The following ANK3 variants were observed in gnomAD, a reference collection of about 807,000 sequenced individuals.
ANK3 encodes the protein ankyrin-3.
A neutral mutation model predicts 370.9 loss-of-function variants in ANK3; 57 were observed. The observed-to-expected ratio is 0.15, with a 90% CI of 0.12 to 0.19. The LOEUF is 0.19. Among genes scored for constraint, ANK3 ranks in the 10% least tolerant of loss-of-function variants. The probability of loss-of-function intolerance (pLI) is 1.00; values close to 1 mark genes in which losing one functional copy is unlikely to be tolerated. For synonymous variants in ANK3, 1,929 were observed against 1,946.3 expected, an observed-to-expected ratio of 0.99 and a Z score of 0.23; for missense variants, 4,439 against 5,302.1, an observed-to-expected ratio of 0.84 and a Z score of 5.06.
intron 2 of ANK3, among the ~76,000 whole-genome samples, chr10:60,529,587 C>T (rs2076557142): frequency 6.6e-6 from 1 of 152,024 alleles, no homozygotes; most frequent in Non-Finnish European, 1.5e-5. Context: ...GCAAGAATGG[C>T]AAAGTTCAAA....
At chr10:60,477,512 GACATAC>G (rs1370259833) in intron 2 of ANK3, among the ~76,000 whole-genome samples, 7 of 115,520 alleles carry the variant, frequency 6.1e-5, no homozygotes, top group Admixed American at 2.7e-4. Flanking sequence ...CAGACAGACA[GACATAC>G]ACACACACAC....
At chr10:60,367,316 A>T (rs776196575) in intron 1 of ANK3, among the ~76,000 whole-genome samples, 1 of 152,246 alleles carries the variant, frequency 6.6e-6, no homozygotes, top group Non-Finnish European at 1.5e-5. Context: ...AAATTGAAAC[A>T]GAATATTCTC....
intron 2 of ANK3, among the ~76,000 whole-genome samples, chr10:60,450,275 G>A (rs78544670): frequency 6.6e-6 from 1 of 152,158 alleles, no homozygotes; most frequent in Admixed American, 6.5e-5. Flanking sequence ...GCTAGCCTGG[G>A]TGACAGCGGG....
intron 13 of ANK3, 93 bp from the exon 14 acceptor site, chr10:60,198,630 G>T: frequency 8.5e-7 from 1 of 1,169,606 alleles, no homozygotes. Context: ...CTTGATGTAA[G>T]AGGTACAATC....
At chr10:60,357,602 C>A (rs994814868) in intron 1 of ANK3, among the ~76,000 whole-genome samples, 1 of 152,100 alleles carries the variant, frequency 6.6e-6, no homozygotes, top group African/African-American at 2.4e-5. Flanking sequence ...GCTGACTGGG[C>A]ATACTTCAAA....
At chr10:60,361,266 T>A (rs1368954293) in intron 1 of ANK3, among the ~76,000 whole-genome samples, 8 of 152,230 alleles carry the variant, frequency 5.3e-5, no homozygotes, top group African/African-American at 1.9e-4. Flanking sequence ...ATTTTGCTAC[T>A]AACAATTATT....
chr10:60,137,395 AGAAATAGAAAGC>A, intron 24 of ANK3: 1 of 329,604 alleles, frequency 3.0e-6, no homozygotes, highest in Non-Finnish European at 6.0e-6. Flanking sequence ...AAAAAAAACA[AGAAATAGAAAGC>A]AAAAAATCAG....
chr10:60,643,294 A>C (rs2078660833), intron 1 of ANK3, among the ~76,000 whole-genome samples: 2 of 152,138 alleles, frequency 1.3e-5, no homozygotes, highest in Non-Finnish European at 2.9e-5. Flanking sequence ...CACAGCCAGA[A>C]TAAAGCAGGG....
chr10:60,691,830 T>C (rs2079357292), intron 1 of ANK3, among the ~76,000 whole-genome samples: 1 of 152,360 alleles, frequency 6.6e-6, no homozygotes, highest in South Asian at 2.1e-4. Flanking sequence ...TTTTTAAGAA[T>C]GAATAATTTA....
chr10:60,221,692 C>T (rs2097061267), intron 8 of ANK3, among the ~76,000 whole-genome samples: 1 of 152,140 alleles, frequency 6.6e-6, no homozygotes, highest in African/African-American at 2.4e-5. Context: ...GCTGCACGCA[C>T]CAAATTTAGA....
chr10:60,031,644 C>A (rs115975333), intron 43 of ANK3, among the ~76,000 whole-genome samples: 240 of 152,274 alleles, frequency 1.6e-3, no homozygotes, highest in African/African-American at 5.5e-3. Flanking sequence ...CTAGGACAAC[C>A]TTTAGAATTC....
At chr10:60,574,675 G>A (rs942879292) in intron 2 of ANK3, among the ~76,000 whole-genome samples, 1 of 152,140 alleles carries the variant, frequency 6.6e-6, no homozygotes, top group African/African-American at 2.4e-5. Context: ...GACTTCAATC[G>A]GGTGAACCTT....
intron 2 of ANK3, among the ~76,000 whole-genome samples, chr10:60,521,748 A>G (rs1236520249): frequency 6.6e-6 from 1 of 152,086 alleles, no homozygotes; most frequent in African/African-American, 2.4e-5. Context: ...TTTGTAATGT[A>G]ATTGATCAAA....
intron 1 of ANK3, among the ~76,000 whole-genome samples, chr10:60,667,960 A>T (rs1213664419): frequency 6.6e-6 from 1 of 150,566 alleles, no homozygotes; most frequent in African/African-American, 2.5e-5. Flanking sequence ...GATTGCTGGG[A>T]ACCATCCCTC....
rs75971619 is a variant in ANK3 at position 60,331,570 on chromosome 10, T to C, written c.115-51931A>G. 6.5e-5 allele frequency among the ~76,000 whole-genome samples: 8 copies of C among 123,758 alleles called. No homozygotes were observed. In the South Asian group the frequency reaches 1.2e-3, roughly 18 times the overall value. The allele number at this position is 123,758 out of a possible 152,430, so 81.2% of individuals were successfully genotyped here. On this transcript the variant is annotated intron_variant, in intron 1 of 43. Transcript: ENST00000280772. ...CCCCTGTGAAGTTAAAACAGCCTAA[T>C]TAAAAAAAAAAAAAAAACAAAAAGA...
At chr10:60,464,085 A>T (rs969855451) in intron 2 of ANK3, among the ~76,000 whole-genome samples, 8 of 152,162 alleles carry the variant, frequency 5.3e-5, no homozygotes, top group Non-Finnish European at 1.0e-4. Context: ...TGGGTACTAT[A>T]GGTATATACA....
intron 1 of ANK3, among the ~76,000 whole-genome samples, chr10:60,323,650 G>C (rs2049158765): frequency 6.6e-6 from 1 of 152,134 alleles, no homozygotes; most frequent in Non-Finnish European, 1.5e-5. Flanking sequence ...TGGATGATAT[G>C]ACCAAGGGAA....
At chr10:60,564,710 C>A (rs572713145) in intron 2 of ANK3, among the ~76,000 whole-genome samples, 1 of 152,208 alleles carries the variant, frequency 6.6e-6, no homozygotes, top group Non-Finnish European at 1.5e-5. Flanking sequence ...ACAGCTCTCA[C>A]ACATAAGGCA....
At chr10:60,517,809 T>C (rs958490037) in intron 2 of ANK3, among the ~76,000 whole-genome samples, 7 of 151,276 alleles carry the variant, frequency 4.6e-5, no homozygotes, top group African/African-American at 1.7e-4. Context: ...AAGATGACTC[T>C]CCCAGGGTAG....
Sources: gnomAD v4.1 joint callset for allele counts (sites outside exome capture counted in the v4.1 genomes callset) on GRCh38, gnomAD v4.1.1 for gene constraint, MANE v1.5 for transcripts, NCBI Gene and HGNC (gene_info 2026-07-23, HGNC 2026-07-21) for gene names.